FAM131B: variants seen among roughly 807,000 people sequenced by gnomAD.
FAM131B encodes family with sequence similarity 131 member B, also known as protein FAM131B.
FAM131B carries 19 observed loss-of-function variants against 42.0 expected under a neutral mutation model. The observed-to-expected ratio is 0.45, with a 90% CI of 0.32 to 0.66. The LOEUF is 0.66. Ranked by LOEUF, FAM131B falls within the 30% of genes least tolerant of loss-of-function variation. The pLI is 0.05. For synonymous variants in FAM131B, 183 were observed against 177.6 expected (o/e 1.03, Z -0.24); for missense variants, 370 against 468.4 (o/e 0.79, Z 1.94).
chr7:143,367,951 G>A, the FAM131B span, among the ~76,000 whole-genome samples: 1 of 152,164 alleles, frequency 6.6e-6, no homozygotes, highest in Non-Finnish European at 1.5e-5. Flanking sequence ...GTTTTCTTTG[G>A]GAAGCACATT....
At chr7:143,361,052 G>C (rs138684134) in intron 1 of FAM131B, 1 of 152,132 alleles carries the variant, frequency 6.6e-6, no homozygotes, top group Admixed American at 6.6e-5. Context: ...CCATCTGACC[G>C]TACAGGCCCT....
At chr7:143,366,994 A>G (rs1176201357), upstream of FAM131B, among the ~76,000 whole-genome samples, 1 of 152,216 alleles carries the variant, frequency 6.6e-6, no homozygotes, top group Non-Finnish European at 1.5e-5. Flanking sequence ...GAGGCAAGTC[A>G]TGGATGAGTG....
the FAM131B span, chr7:143,380,578 C>A: frequency 1.0e-6 from 1 of 985,540 alleles, no homozygotes. The surrounding 1 kb of genome is among the most constrained non-coding windows in gnomAD (Gnocchi z 5.0). Context: ...CATTCCCGGC[C>A]CCGCGGACCC....
chr7:143,357,503 G>T (rs1212721914), intron 5 of FAM131B, 80 bp from the exon 6 acceptor site: 2 of 1,246,826 alleles, frequency 1.6e-6, no homozygotes, highest in Non-Finnish European at 2.2e-6. Context: ...ACATCTTAGT[G>T]CAGCACTGTT....
At chr7:143,363,156 T>C (rs567780255), upstream of FAM131B, among the ~76,000 whole-genome samples, 4 of 152,266 alleles carry the variant, frequency 2.6e-5, no homozygotes, top group African/African-American at 9.6e-5. Context: ...AAACACTTGT[T>C]TTCCTCCTGG....
Position 143,359,137 on chromosome 7 carries a change from C to T in FAM131B, c.269-113G>A. The stretch of plus-strand genomic sequence containing the variant: ...TGAGGCTCCATCCCACTGGGCCAGG[C>T]TCCCCTAAGGACTCCATAGATGGGG... On this transcript the variant is annotated intron_variant, in intron 4 of 6. Coordinates refer to ENST00000443739, the MANE Select transcript of FAM131B (RefSeq NM_001031690.3). This position sits in a 1 kb window ranked among gnomAD's most constrained non-coding sequence, Gnocchi z 5.4. 3.4e-6 allele frequency: 4 copies of T among 1,193,552 alleles called. No individual in the cohort carries two copies. The highest frequency in any genetic ancestry group is 2.4e-6 in the Non-Finnish European group (2 of 839,050). The allele number at this position is 1,193,552 out of a possible 1,614,324, so 73.9% of individuals were successfully genotyped here.
At position 143,362,476 on chromosome 7, in the gene FAM131B, C is replaced by T; in HGVS notation, c.28+100G>A. The T allele has an allele frequency of 2.4e-6, 1 of 420,152 alleles. No homozygotes were observed. Among genetic ancestry groups the T allele is most frequent in the Non-Finnish European group, 3.8e-6 (1 of 262,034 alleles). 26.0% of individuals were successfully genotyped at this position (420,152 alleles called of 1,614,324 possible). On this transcript the variant is annotated intron_variant, in intron 1 of 6. Coordinates refer to ENST00000443739, the MANE Select transcript of FAM131B (RefSeq NM_001031690.3). This position sits in a 1 kb window ranked among gnomAD's most constrained non-coding sequence, Gnocchi z 7.7. Reference sequence around the variant, plus strand: ...AGGAGCTAGCAGGGCAAGGCGGGTGCGGAGCGGGGCGCCCGGAGGCGCGAG... The same window carrying T: ...AGGAGCTAGCAGGGCAAGGCGGGTGTGGAGCGGGGCGCCCGGAGGCGCGAG...
the FAM131B span, chr7:143,380,852 G>A: frequency 8.8e-6 from 8 of 906,930 alleles, no homozygotes; most frequent in Non-Finnish European, 9.2e-6. The surrounding 1 kb of genome is among the most constrained non-coding windows in gnomAD (Gnocchi z 5.0). Flanking sequence ...GCCGGGTAGC[G>A]GGTGGTGGCA....
At position 143,360,106 on chromosome 7, in the gene FAM131B, G is replaced by A. The variant is rs746471383; in HGVS notation, c.72C>T (p.Val24=). The change falls in exon 2 of 7, where the codon GTC becomes GTT. Residue 24 remains valine (V), a synonymous_variant. Transcript: ENST00000443739. ...IAVDWKGLKD[V]DQINMDSTSS... is the part of the protein sequence containing the mutation. ...TGGTGCTGTCCATGTTGATTTGATC[G>A]ACATCCTTCAGGCCCTTCCAATCCA... 3.7e-6 allele frequency: 6 copies of A among 1,613,756 alleles called. No individual in the cohort carries two copies. In the African/African-American group the frequency reaches 4.0e-5, roughly 11 times the overall value.
intron 5 of FAM131B, 115 bp from the exon 6 acceptor site, chr7:143,357,538 T>G: frequency 4.0e-6 from 3 of 741,948 alleles, no homozygotes; most frequent in Non-Finnish European, 5.8e-6. Flanking sequence ...TGCAAGCCAC[T>G]TATATCATTT....
intron 1 of FAM131B, chr7:143,361,346 C>T (rs1387712281): frequency 9.5e-6 from 1 of 105,076 alleles, no homozygotes; most frequent in Non-Finnish European, 1.8e-5. Context: ...AGAAGGGAGA[C>T]AGGGGAGGGC....
Position 143,354,330 on chromosome 7 carries a change from C to T in FAM131B, c.*2220G>A, listed in dbSNP as rs1803559774. On this transcript the variant is annotated 3_prime_UTR_variant, in exon 7 of 7. Transcript: ENST00000443739. The stretch of plus-strand genomic sequence containing the variant: ...GAGGAACGAAAGCTGCTGTGGTCTA[C>T]CTTTCCTAACTCCCCCGGGCCTGAG... 1 of 152,200 alleles carries T rather than the reference C, an allele frequency of 6.6e-6. No homozygotes were observed. The highest frequency in any genetic ancestry group is 1.5e-5 in the Non-Finnish European group (1 of 68,068). 9.4% of individuals were successfully genotyped at this position (152,200 alleles called of 1,614,324 possible).
In FAM131B at chr7:143,359,166, TG is replaced by T. The variant is rs1310051063; in HGVS notation, c.269-143del. On this transcript the variant is annotated intron_variant, in intron 4 of 6. Coordinates refer to ENST00000443739, the MANE Select transcript of FAM131B (RefSeq NM_001031690.3). This position sits in a 1 kb window ranked among gnomAD's most constrained non-coding sequence, Gnocchi z 5.4. ...CCTAAGGACTCCATAGATGGGGTAG[TG>T]GAGGGAATGGCCTGGAGGATGGGAG... 2 of 1,025,760 alleles carry T rather than the reference TG, an allele frequency of 1.9e-6. No individual in the cohort carries two copies. Among genetic ancestry groups the T allele is most frequent in the Admixed American group, 4.1e-5 (2 of 48,202 alleles). 63.5% of individuals were successfully genotyped at this position (1,025,760 alleles called of 1,614,324 possible).
At chr7:143,371,391 T>C in the FAM131B span, among the ~76,000 whole-genome samples, 19 of 151,956 alleles carry the variant, frequency 1.3e-4, no homozygotes, top group Non-Finnish European at 1.5e-4. Context: ...GTGAGAGGAT[T>C]GCTTGAGCTC....
chr7:143,364,137 T>A (rs1446861674), upstream of FAM131B: 1 of 152,068 alleles, frequency 6.6e-6, no homozygotes, highest in East Asian at 1.9e-4. Flanking sequence ...CGTGGCAGGG[T>A]CTGATACCCT....
At position 143,360,153 on chromosome 7, in the gene FAM131B, AG is replaced by A. The variant is rs751007420; in HGVS notation, c.29-5del. 8 of 1,605,308 alleles carry A rather than the reference AG, an allele frequency of 5.0e-6. No individual in the cohort carries two copies. In the African/African-American group the frequency reaches 1.1e-4, roughly 22 times the overall value. On this transcript the variant is annotated splice_polypyrimidine_tract_variant and splice_region_variant and intron_variant, in intron 1 of 6. Coordinates refer to ENST00000443739, the MANE Select transcript of FAM131B (RefSeq NM_001031690.3). ...TCCACTGCAATCACCTCATTCCCTG[AG>A]GGGGCCAGAAGGTTAGCCGCCGGCC...
In FAM131B at chr7:143,359,495, G is replaced by T; in HGVS notation, c.175-76C>A. On this transcript the variant is annotated intron_variant, in intron 3 of 6. Transcript: ENST00000443739. The surrounding 1 kb of genome is among the most constrained non-coding windows in gnomAD (Gnocchi z 5.4). ...TGCTTTATACATGGAGGAGGTTCAT[G>T]GTTTCCAGGAAAAAGCATTCGAGCT... 1.7e-6 allele frequency: 2 copies of T among 1,206,352 alleles called. No individual in the cohort carries two copies. The highest frequency in any genetic ancestry group is 2.4e-6 in the Non-Finnish European group (2 of 821,406). 74.7% of individuals were successfully genotyped at this position (1,206,352 alleles called of 1,614,324 possible).
Position 143,354,848 on chromosome 7 carries a change from G to T in FAM131B, c.*1702C>A, listed in dbSNP as rs1803580667. On this transcript the variant is annotated 3_prime_UTR_variant, in exon 7 of 7. Transcript: ENST00000443739. ...GTGAGTAAGAGAGTATGAACTTGATGGCGGGACAGGACCATAGATGGACAG... is the reference window on the plus strand; with the variant it reads ...GTGAGTAAGAGAGTATGAACTTGATTGCGGGACAGGACCATAGATGGACAG... 6.6e-6 allele frequency: 1 copy of T among 152,320 alleles called. No individual in the cohort carries two copies. Among genetic ancestry groups the T allele is most frequent in the South Asian group, 2.1e-4 (1 of 4,832 alleles). 9.4% of individuals were successfully genotyped at this position (152,320 alleles called of 1,614,324 possible). A position where few individuals can be genotyped will look rare whatever the true frequency, so the allele number is the denominator to read the frequency against.
the FAM131B span, among the ~76,000 whole-genome samples, chr7:143,376,199 C>T: frequency 6.6e-6 from 1 of 152,268 alleles, no homozygotes; most frequent in African/African-American, 2.4e-5. Flanking sequence ...GGTGAGAAGG[C>T]CACCCAGGTA....
Sources: gnomAD v4.1 joint callset for allele counts (sites outside exome capture counted in the v4.1 genomes callset) on GRCh38, gnomAD v4.1.1 for gene constraint, Gnocchi (gnomAD v3.1) non-coding constraint, MANE v1.5 for transcripts, NCBI Gene and HGNC (gene_info 2026-07-23, HGNC 2026-07-21) for gene names.